XPC: variants seen among roughly 807,000 people sequenced by gnomAD.
XPC encodes XPC complex subunit, DNA damage recognition and repair factor.
In XPC, 76 loss-of-function variants were observed where a neutral mutation model predicts 95.8. The ratio of observed to expected loss-of-function variants is 0.79; its 90% confidence interval spans 0.66 to 0.96. The LOEUF (loss-of-function observed/expected upper bound fraction) is 0.96. XPC is among the 40% of genes least tolerant of loss of function. The probability of loss-of-function intolerance (pLI) is 0.00; values close to 1 mark genes in which losing one functional copy is unlikely to be tolerated. For synonymous variants in XPC, 442 were observed against 442.1 expected (o/e 1.00, Z 0.00); for missense variants, 1,146 against 1,179.8 (o/e 0.97, Z 0.42).
chr3:14,164,692 C>T, intron 7 of XPC, 121 bp downstream of exon 7: 1 of 1,024,328 alleles, frequency 9.8e-7, no homozygotes, highest in Non-Finnish European at 1.4e-6. Context: ...CTATCAACGT[C>T]ATTATGAGGA....
chr3:14,167,080 G>GAGC, intron 5 of XPC, 89 bp downstream of exon 5: 2 of 1,218,030 alleles, frequency 1.6e-6, no homozygotes, highest in South Asian at 3.5e-5. Context: ...CATGGCCACA[G>GAGC]AGCAGCAAAG....
intron 7 of XPC, among the ~76,000 whole-genome samples, chr3:14,162,158 GGA>G (rs1391377695): frequency 2.0e-5 from 3 of 152,086 alleles, no homozygotes; most frequent in Non-Finnish European, 4.4e-5. Flanking sequence ...AAAAATAAAA[GGA>G]GAGACATCCA....
chr3:14,176,190 A>G (rs1013630014), intron 1 of XPC, among the ~76,000 whole-genome samples: 1 of 152,248 alleles, frequency 6.6e-6, no homozygotes, highest in Admixed American at 6.5e-5. Context: ...GCTGGAACCG[A>G]GGTGAAGTGT....
rs1028245494 is a variant in XPC, at chr3:14,152,317, C to T, written c.2115+18G>A. ...CCTGTGTCACCACTCCCCACAGGGA[C>T]CCCCCAGCTCCAGTTACCTTGTAGG... On this transcript the variant is annotated intron_variant, in intron 11 of 15. Coordinates refer to ENST00000285021, the MANE Select transcript of XPC (RefSeq NM_004628.5). The T allele has an allele frequency of 1.9e-6, 3 of 1,605,952 alleles. No homozygotes were observed. The highest frequency in any genetic ancestry group is 2.6e-6 in the Non-Finnish European group (3 of 1,175,652).
intron 10 of XPC, 199 bp from the exon 11 acceptor site, chr3:14,152,615 G>T: frequency 1.9e-6 from 1 of 530,690 alleles, no homozygotes; most frequent in Non-Finnish European, 3.3e-6. Flanking sequence ...TGGGGGATGT[G>T]TCCACTTACA....
chr3:14,152,531 AGCAG>A, intron 10 of XPC, 115 bp from the exon 11 acceptor site: 1 of 951,330 alleles, frequency 1.1e-6, no homozygotes, highest in Non-Finnish European at 1.5e-6. Context: ...GCCACCCTGG[AGCAG>A]GCCGAGCTCC....
rs552453137 is a variant in XPC, at chr3:14,165,512, A to G, written c.695T>C (p.Ile232Thr). ...GCGGGCTGGGATGATGGACAGGCCA[A>G]TAGCATGCAGATCTGGCTGGCTGCA... ...NICSQPDLHA[I>T]GLSIIPARFT... Residue 232 changes from isoleucine to threonine, a missense_variant, in exon 6 of 16, where the codon ATT (isoleucine) becomes ACT (threonine). Coordinates refer to ENST00000285021, the MANE Select transcript of XPC (RefSeq NM_004628.5). 15 of 1,611,154 alleles carry G rather than the reference A, an allele frequency of 9.3e-6. No individual in the cohort carries two copies. The South Asian group carries it at 1.0e-4, about 11-fold the overall frequency.
intron 15 of XPC, 117 bp from the exon 16 acceptor site, chr3:14,146,276 AC>A: frequency 1.0e-6 from 1 of 958,448 alleles, no homozygotes; most frequent in Non-Finnish European, 1.6e-6. Flanking sequence ...CTCTGGGAGG[AC>A]AAGGGCATGG....
intron 6 of XPC, among the ~76,000 whole-genome samples, chr3:14,165,138 G>A (rs892744584): frequency 6.6e-6 from 1 of 152,132 alleles, no homozygotes; most frequent in Admixed American, 6.5e-5. Flanking sequence ...AGACCTCCCA[G>A]CTGAGAAAAG....
intron 13 of XPC, chr3:14,148,307 A>T: frequency 1.7e-6 from 1 of 603,464 alleles, no homozygotes; most frequent in Non-Finnish European, 2.8e-6. Context: ...TTTTTTGCTC[A>T]CTAGCCTGTG....
chr3:14,163,986 T>C (rs951881172), intron 7 of XPC, among the ~76,000 whole-genome samples: 7 of 152,126 alleles, frequency 4.6e-5, no homozygotes, highest in Admixed American at 1.3e-4. Flanking sequence ...GAGGTGGAGG[T>C]TGCAGTGAGC....
intron 7 of XPC, among the ~76,000 whole-genome samples, chr3:14,164,179 C>T (rs1162435231): frequency 6.6e-6 from 1 of 152,174 alleles, no homozygotes; most frequent in East Asian, 1.9e-4. Flanking sequence ...ATCTTTTTCT[C>T]CAGAGAATCT....
In XPC at chr3:14,148,672, G is replaced by A; in HGVS notation, c.2310C>T (p.Gly770=). ...GATTGGGCAGGTTCAGCTGGACACA[G>A]CCAATAGGCATCATGCTGGGCAGGA... ...YLFLPSMMPI[G]CVQLNLPNLH... The change falls in exon 13 of 16, where the codon GGC becomes GGT. Residue 770 remains glycine, a synonymous_variant. Transcript: ENST00000285021. 3 of 1,613,416 alleles carry A rather than the reference G, an allele frequency of 1.9e-6. No homozygotes were observed. Among genetic ancestry groups the A allele is most frequent in the Non-Finnish European group, 2.5e-6 (3 of 1,179,698 alleles).
At chr3:14,176,565 G>A (rs1054064810) in intron 1 of XPC, among the ~76,000 whole-genome samples, 1 of 152,202 alleles carries the variant, frequency 6.6e-6, no homozygotes, top group African/African-American at 2.4e-5. Flanking sequence ...ATACTCAAAA[G>A]ATGTTATTTG....
At position 14,158,042 on chromosome 3, in the gene XPC, A is replaced by G. The variant is rs144766677; in HGVS notation, c.1841T>C (p.Phe614Ser). The change falls in exon 9 of 16, where the codon TTT (phenylalanine) becomes TCT (serine). Residue 614 changes from phenylalanine to serine, a missense_variant. Coordinates refer to ENST00000285021, the MANE Select transcript of XPC (RefSeq NM_004628.5). The surrounding 1 kb of genome is among the most constrained non-coding windows in gnomAD (Gnocchi z 5.2). ...AETLRPYQSP[F>S]MDREKKEDLE... is the part of the protein sequence containing the mutation. ...GTCTTCTTTCTTCTCCCTGTCCATAAATGGGCTCTGGTATGGTCTCAAGGT... is the reference window on the plus strand; with the variant it reads ...GTCTTCTTTCTTCTCCCTGTCCATAGATGGGCTCTGGTATGGTCTCAAGGT... 1.2e-3 allele frequency: 1,999 copies of G among 1,603,028 alleles called. 29 individuals carry two copies. The African/African-American group carries it at 0.023, about 19-fold the overall frequency.
In XPC at chr3:14,159,887, G is replaced by A. The variant is rs2125028320; in HGVS notation, c.901-57C>T. The stretch of plus-strand genomic sequence containing the variant: ...AAGAAAGTAATTAAAGATGTAATGA[G>A]TTCAATGTTGTTTGTTATGGTGCTT... On this transcript the variant is annotated intron_variant, in intron 7 of 15. Transcript: ENST00000285021. The A allele has an allele frequency of 5.4e-6, 8 of 1,480,122 alleles. No homozygotes were observed. In the East Asian group the frequency reaches 1.2e-4, roughly 23 times the overall value. 91.7% of individuals were successfully genotyped at this position (1,480,122 alleles called of 1,614,324 possible). A position where few individuals can be genotyped will look rare whatever the true frequency, so the allele number is the denominator to read the frequency against.
rs1423935768 is a variant in XPC at position 14,152,358 on chromosome 3, T to TCAC, written c.2089_2091dup (p.Val697dup). 3 of 1,613,226 alleles carry TCAC rather than the reference T, an allele frequency of 1.9e-6. No homozygotes were observed. Among genetic ancestry groups the TCAC allele is most frequent in the Non-Finnish European group, 2.5e-6 (3 of 1,179,664 alleles). The stretch of plus-strand genomic sequence containing the variant: ...ACCTTGTAGGGTACTTCTCCAAGCC[T>TCAC]CACCACTCTTGCTTTCTTCAGCCAC... On this transcript the variant is annotated inframe_insertion, in exon 11 of 16. Coordinates refer to ENST00000285021, the MANE Select transcript of XPC (RefSeq NM_004628.5).
Position 14,158,601 on chromosome 3 carries a change from C to G in XPC, c.1282G>C (p.Val428Leu). 6.8e-6 allele frequency: 11 copies of G among 1,613,794 alleles called. No individual in the cohort carries two copies. Among genetic ancestry groups the G allele is most frequent in the South Asian group, 2.2e-5 (2 of 91,082 alleles). ...CTCCCACTCTCCTCTTTATAAGACA[C>G]CCTGGAGGCCACCCGCCGCTCCCGG... ...HGRERRVASR[V>L]SYKEESGSDE... Residue 428 changes from valine (V) to leucine (L), a missense_variant, in exon 9 of 16, where the codon GTG becomes CTG. Transcript: ENST00000285021. This position sits in a 1 kb window ranked among gnomAD's most constrained non-coding sequence, Gnocchi z 5.2.
intron 1 of XPC, among the ~76,000 whole-genome samples, chr3:14,173,789 G>T (rs534797703): frequency 6.6e-6 from 1 of 152,066 alleles, no homozygotes; most frequent in African/African-American, 2.4e-5. Flanking sequence ...AAATAATATG[G>T]CAGGGAAGGA....
Sources: allele counts gnomAD v4.1 joint callset (sites outside exome capture counted in the v4.1 genomes callset), GRCh38; gene constraint gnomAD v4.1.1; non-coding constraint Gnocchi (gnomAD v3.1); transcripts MANE v1.5; gene names NCBI Gene and HGNC (gene_info 2026-07-23, HGNC 2026-07-21).